MYSM1: variants seen among roughly 807,000 people sequenced by gnomAD.
MYSM1 encodes deubiquitinase MYSM1.
Under a neutral mutation model 116.0 loss-of-function variants are expected in MYSM1, and 51 were observed. The ratio of observed to expected loss-of-function variants is 0.44; its 90% CI spans 0.35 to 0.56. The LOEUF is 0.56. Among genes scored for constraint, MYSM1 ranks in the 20% least tolerant of loss-of-function variants. The pLI is 0.00. For missense variants in MYSM1, 900 were observed against 974.9 expected, an observed-to-expected ratio of 0.92 and a Z score of 1.02; for synonymous variants, 313 against 315.2, an observed-to-expected ratio of 0.99 and a Z score of 0.07.
chr1:58,674,039 GT>G (rs1167818185), intron 10 of MYSM1, among the ~76,000 whole-genome samples: 1 of 151,806 alleles, frequency 6.6e-6, no homozygotes, highest in Non-Finnish European at 1.5e-5. Flanking sequence ...AAAATTTTGG[GT>G]TTTTTTTGAG....
rs369699765 is a variant in MYSM1, at chr1:58,681,907, T to C, written c.1137A>G (p.Ile379Met). ...EEELKPPEQE[I>M]EIDRNIIQEE... The stretch of plus-strand genomic sequence containing the variant: ...CTTGAATGATATTTCTATCTATTTC[T>C]ATTTCCTGTTCTGGTGGCTTAAGCT... The change falls in exon 8 of 20, where the codon ATA (isoleucine) becomes ATG (methionine). Residue 379 changes from isoleucine (I) to methionine (M), a missense_variant. By Grantham distance (10) the Ile-to-Met change is conservative. This residue lies in a region of MYSM1 where 622 missense variants were observed against 623.7 expected (regional missense o/e 1.00). Coordinates refer to ENST00000472487, the MANE Select transcript of MYSM1 (RefSeq NM_001085487.3). The C allele has an allele frequency of 1.2e-6, 2 of 1,614,106 alleles. No homozygotes were observed. The highest frequency in any genetic ancestry group is 8.5e-7 in the Non-Finnish European group (1 of 1,180,022).
intron 5 of MYSM1, chr1:58,689,704 C>T (rs1644876430): frequency 6.5e-6 from 1 of 152,766 alleles, no homozygotes; most frequent in Non-Finnish European, 1.5e-5. Flanking sequence ...AAGCAAAAGG[C>T]TGCTCAGTAC....
chr1:58,672,871 G>A (rs945559337), intron 11 of MYSM1, among the ~76,000 whole-genome samples: 18 of 152,120 alleles, frequency 1.2e-4, no homozygotes, highest in African/African-American at 4.1e-4. Context: ...CCCCTTATGG[G>A]AAGGATGAAT....
chr1:58,681,833 T>A lies in MYSM1; in HGVS notation c.1211A>T (p.Lys404Ile), dbSNP rs1469364282. 1.9e-6 allele frequency: 3 copies of A among 1,606,898 alleles called. No individual in the cohort carries two copies. Residue 404 changes from lysine (K) to isoleucine (I), a missense_variant, in exon 8 of 20, where the codon AAA becomes ATA. By Grantham distance (102) the Lys-to-Ile change is moderately radical. This residue lies in a region of MYSM1 where 622 missense variants were observed against 623.7 expected (regional missense o/e 1.00). Transcript: ENST00000472487. ...IPEFFEGRQA[K>I]TPERYLKIRN... ...AATTTTCAAATAGCGTTCTGGTGTT[T>A]TAGCTTGGCGCCCCTCAAAAAACTC...
chr1:58,655,382 AAAC>A lies in MYSM1; in HGVS notation c.*4612_*4614del, dbSNP rs1449766104. 2.6e-5 allele frequency: 4 copies of A among 152,196 alleles called. No individual in the cohort carries two copies. 9.4% of individuals were successfully genotyped at this position (152,196 alleles called of 1,614,324 possible). ...CATAAACACCAAAGGAAGAAAATAA[AAAC>A]AACTCAGATACTACAACTTAATTTT... On this transcript the variant is annotated 3_prime_UTR_variant, in exon 20 of 20. Coordinates refer to ENST00000472487, the MANE Select transcript of MYSM1 (RefSeq NM_001085487.3).
intron 16 of MYSM1, among the ~76,000 whole-genome samples, chr1:58,666,505 C>T (rs1451098869): frequency 1.4e-5 from 2 of 141,826 alleles, no homozygotes; most frequent in East Asian, 2.1e-4. Flanking sequence ...TTTACATAAA[C>T]AATTATCAAT....
At chr1:58,668,753 G>T in intron 13 of MYSM1, 71 bp from the exon 14 acceptor site, 2 of 1,363,506 alleles carry the variant, frequency 1.5e-6, no homozygotes, top group Non-Finnish European at 2.0e-6. Flanking sequence ...CACCTGGAAT[G>T]CCCACCCTGT....
chr1:58,687,501 T>C (rs1644844169), intron 6 of MYSM1, among the ~76,000 whole-genome samples: 2 of 152,186 alleles, frequency 1.3e-5, no homozygotes, highest in Non-Finnish European at 2.9e-5. Flanking sequence ...TATTTGCAGA[T>C]GTAAGCATAT....
intron 8 of MYSM1, among the ~76,000 whole-genome samples, chr1:58,678,767 C>G (rs112224844): frequency 1.4e-3 from 216 of 152,182 alleles, no homozygotes; most frequent in Non-Finnish European, 2.5e-3. Context: ...TTCCCTCGAC[C>G]AGATTTCAAT....
intron 8 of MYSM1, among the ~76,000 whole-genome samples, chr1:58,678,578 CAG>C (rs1644690422): frequency 6.6e-6 from 1 of 152,218 alleles, no homozygotes; most frequent in South Asian, 2.1e-4. Flanking sequence ...ACAAACAAAA[CAG>C]ATAAAAATCT....
At chr1:58,671,799 G>A (rs1040208385) in intron 12 of MYSM1, 71 bp downstream of exon 12, 2 of 1,109,212 alleles carry the variant, frequency 1.8e-6, no homozygotes, top group African/African-American at 1.6e-5. Context: ...TGCAGCTATT[G>A]AATATTTTTT....
At chr1:58,675,450 A>G in intron 10 of MYSM1, 27 bp downstream of exon 10, 1 of 1,512,180 alleles carries the variant, frequency 6.6e-7, no homozygotes, top group Non-Finnish European at 9.2e-7. Context: ...CAATGTGGAG[A>G]GATCACTGAG....
chr1:58,699,423 T>C (rs1645030895), intron 1 of MYSM1, among the ~76,000 whole-genome samples: 1 of 152,220 alleles, frequency 6.6e-6, no homozygotes, highest in Non-Finnish European at 1.5e-5. Context: ...TTAAGTGTCT[T>C]GCCCAAGGTC....
Position 58,682,053 on chromosome 1 carries a change from T to A in MYSM1, c.991A>T (p.Ile331Leu). 1 of 1,614,172 alleles carries A rather than the reference T, an allele frequency of 6.2e-7. No individual in the cohort carries two copies. The highest frequency in any genetic ancestry group is 8.5e-7 in the Non-Finnish European group (1 of 1,180,020). The change falls in exon 8 of 20, where the codon ATA becomes TTA. Residue 331 changes from isoleucine (I) to leucine (L), a missense_variant. Transcript: ENST00000472487. ...KNCNKHDGRG[I>L]IVDARQLPSP... ...GGCAACTGCCTGGCATCAACTATTATTCCCCTTCCATCATGCTTGTTGCAG... is the reference window on the plus strand; with the variant it reads ...GGCAACTGCCTGGCATCAACTATTAATCCCCTTCCATCATGCTTGTTGCAG...
At chr1:58,695,722 GAATA>G (rs897593797) in intron 1 of MYSM1, among the ~76,000 whole-genome samples, 2 of 151,468 alleles carry the variant, frequency 1.3e-5, no homozygotes, top group African/African-American at 4.8e-5. Flanking sequence ...ACAGTACAGT[GAATA>G]GATAAGAAAA....
In MYSM1 at chr1:58,690,436, A is replaced by C. The variant is rs754070065; in HGVS notation, c.219-19T>G. The C allele has an allele frequency of 6.6e-7, 1 of 1,506,404 alleles. No individual in the cohort carries two copies. Among genetic ancestry groups the C allele is most frequent in the Non-Finnish European group, 9.1e-7 (1 of 1,098,904 alleles). 93.3% of individuals were successfully genotyped at this position (1,506,404 alleles called of 1,614,324 possible). A position where few individuals can be genotyped will look rare whatever the true frequency, so the allele number is the denominator to read the frequency against. On this transcript the variant is annotated intron_variant, in intron 3 of 19. Transcript: ENST00000472487. ...ATAATATCTGTGTAACTATCAAGGA[A>C]ACTTTTTAAACAATATTACAGTCAT... is the stretch of plus-strand genomic sequence containing the variant.
chr1:58,666,576 C>CTTT (rs36057863), intron 16 of MYSM1, among the ~76,000 whole-genome samples: 12 of 131,606 alleles, frequency 9.1e-5, no homozygotes, highest in East Asian at 2.2e-4. Flanking sequence ...TATTTTTTTT[C>CTTT]TTTTTTTTTT....
chr1:58,689,119 G>A lies in MYSM1; in HGVS notation c.321-3C>T, dbSNP rs1363133339. The A allele has an allele frequency of 6.3e-7, 1 of 1,587,388 alleles. No individual in the cohort carries two copies. The highest frequency in any genetic ancestry group is 1.4e-5 in the African/African-American group (1 of 72,986). On this transcript the variant is annotated splice_region_variant and splice_polypyrimidine_tract_variant and intron_variant, in intron 5 of 19. Coordinates refer to ENST00000472487, the MANE Select transcript of MYSM1 (RefSeq NM_001085487.3). ...CTGGTTTTGTAGGAGAGTGTACCCT[G>A]AGGGGAAAAAAAGGAATTGCAAAAA... is the stretch of plus-strand genomic sequence containing the variant.
intron 3 of MYSM1, 129 bp from the exon 4 acceptor site, chr1:58,690,546 A>G: frequency 1.7e-6 from 1 of 575,504 alleles, no homozygotes; most frequent in South Asian, 3.6e-5. Context: ...AAGTGACTAC[A>G]AGAAACAGCC....
Sources: allele counts gnomAD v4.1 joint callset (sites outside exome capture counted in the v4.1 genomes callset), GRCh38; gene constraint gnomAD v4.1.1; regional missense constraint gnomAD v4.1.1; transcripts MANE v1.5; gene names NCBI Gene and HGNC (gene_info 2026-07-23, HGNC 2026-07-21).